Variants in KATNAL1 observed in about 807,000 individuals in gnomAD.
KATNAL1 encodes katanin catalytic subunit A1 like 1, also known as katanin p60 ATPase-containing subunit A-like 1.
KATNAL1 carries 32 observed loss-of-function variants against 55.2 expected under a neutral mutation model. That is an observed-to-expected ratio of 0.58 (90% CI 0.44 to 0.78). KATNAL1 has a LOEUF of 0.78. Ranked by LOEUF, KATNAL1 falls within the 30% of genes least tolerant of loss-of-function variation. The probability of loss-of-function intolerance (pLI) is 0.00; values close to 1 mark genes in which losing one functional copy is unlikely to be tolerated. For synonymous variants in KATNAL1, 193 were observed against 193.6 expected (o/e 1.00, Z 0.02); for missense variants, 466 against 600.9 (o/e 0.78, Z 2.35).
chr13:30,284,007 T>A (rs1881606053), intron 1 of KATNAL1, among the ~76,000 whole-genome samples: 1 of 151,564 alleles, frequency 6.6e-6, no homozygotes, highest in Non-Finnish European at 1.5e-5. Context: ...ACTATAGGGG[T>A]GCACCACCAT....
chr13:30,272,428 G>A (rs191551783), intron 3 of KATNAL1, among the ~76,000 whole-genome samples: 6 of 152,140 alleles, frequency 3.9e-5, no homozygotes, highest in Admixed American at 6.6e-5. Flanking sequence ...GAAAAAAGGG[G>A]CAGTGAAGGG....
Position 30,286,186 on chromosome 13 carries a change from A to T in KATNAL1, c.-14-2395T>A, listed in dbSNP as rs564314401. 1.4e-3 allele frequency among the ~76,000 whole-genome samples: 214 copies of T among 152,376 alleles called. 1 individual carries two copies. Among genetic ancestry groups the T allele is most frequent in the African/African-American group, 3.8e-3 (160 of 41,598 alleles). Reference sequence around the variant, plus strand: ...ATTCAAGCCAGCTGCAGAAATTTGCATAAGTAACAAGGAATCAAAAGCTAA... The same window carrying T: ...ATTCAAGCCAGCTGCAGAAATTTGCTTAAGTAACAAGGAATCAAAAGCTAA... On this transcript the variant is annotated intron_variant, in intron 1 of 10. Coordinates refer to ENST00000380615, the MANE Select transcript of KATNAL1 (RefSeq NM_032116.5).
At chr13:30,265,506 A>C (rs1879690853) in intron 3 of KATNAL1, among the ~76,000 whole-genome samples, 1 of 152,092 alleles carries the variant, frequency 6.6e-6, no homozygotes, top group Non-Finnish European at 1.5e-5. Flanking sequence ...ATACAAGTTG[A>C]TATGAGTTGT....
intron 9 of KATNAL1, among the ~76,000 whole-genome samples, chr13:30,225,801 TA>T (rs1875410847): frequency 6.6e-6 from 1 of 151,676 alleles, no homozygotes; most frequent in African/African-American, 2.4e-5. Context: ...TACTATTCAT[TA>T]AAAAAAATTG....
intron 1 of KATNAL1, among the ~76,000 whole-genome samples, chr13:30,285,220 A>G (rs1881693802): frequency 6.6e-6 from 1 of 152,218 alleles, no homozygotes; most frequent in Non-Finnish European, 1.5e-5. Flanking sequence ...GGTTCCATGA[A>G]GGCAGAGTTG....
At chr13:30,213,151 G>A (rs1873859343) in intron 9 of KATNAL1, among the ~76,000 whole-genome samples, 2 of 152,044 alleles carry the variant, frequency 1.3e-5, no homozygotes, top group South Asian at 2.1e-4. Context: ...ACACCTCTAC[G>A]CAAATAAACT....
At chr13:30,255,707 TA>T (rs1878725484) in intron 3 of KATNAL1, 92 bp from the exon 4 acceptor site, 4 of 1,178,652 alleles carry the variant, frequency 3.4e-6, no homozygotes, top group Non-Finnish European at 4.3e-6. Flanking sequence ...ATAAAATTGT[TA>T]AATCAAAAAG....
intron 8 of KATNAL1, among the ~76,000 whole-genome samples, chr13:30,229,746 A>C (rs919324259): frequency 6.6e-6 from 1 of 152,114 alleles, no homozygotes; most frequent in Non-Finnish European, 1.5e-5. Flanking sequence ...TGAGAACCCC[A>C]AAGAGCTTTT....
At position 30,207,663 on chromosome 13, in the gene KATNAL1, A is replaced by G. The variant is rs536811774; in HGVS notation, c.*877T>C. The G allele has an allele frequency of 2.0e-5, 3 of 152,412 alleles. No individual in the cohort carries two copies. In the South Asian group the frequency reaches 6.2e-4, roughly 32 times the overall value. The allele number at this position is 152,412 out of a possible 1,614,324, so 9.4% of individuals were successfully genotyped here. ...GCACCTGTAATCCCAGCTACTTGGGAGGCTGAGACAGGAGAATTGCTTGAA... is the reference window on the plus strand; with the variant it reads ...GCACCTGTAATCCCAGCTACTTGGGGGGCTGAGACAGGAGAATTGCTTGAA... On this transcript the variant is annotated 3_prime_UTR_variant, in exon 11 of 11. Coordinates refer to ENST00000380615, the MANE Select transcript of KATNAL1 (RefSeq NM_032116.5).
intron 9 of KATNAL1, among the ~76,000 whole-genome samples, chr13:30,213,592 A>T (rs1256325482): frequency 6.6e-6 from 1 of 152,238 alleles, no homozygotes; most frequent in African/African-American, 2.4e-5. Context: ...AATGGGCTTC[A>T]ACCCTGGGAT....
Position 30,283,418 on chromosome 13 carries a change from G to A in KATNAL1, c.162+198C>T, listed in dbSNP as rs149184540. Among the ~76,000 whole-genome samples, 88 of 151,864 alleles carry A rather than the reference G, an allele frequency of 5.8e-4. 2 individuals carry two copies. The highest frequency in any genetic ancestry group is 3.4e-3 in the Middle Eastern group (1 of 294). On this transcript the variant is annotated intron_variant, in intron 2 of 10. Coordinates refer to ENST00000380615, the MANE Select transcript of KATNAL1 (RefSeq NM_032116.5). ...TAAATATTTTCAAAACATCCCTCAC[G>A]AAATATATGATCAAAAAACATTAAC...
intron 4 of KATNAL1, among the ~76,000 whole-genome samples, chr13:30,252,958 G>C (rs1878461507): frequency 6.6e-6 from 1 of 152,144 alleles, no homozygotes; most frequent in African/African-American, 2.4e-5. Flanking sequence ...TGTTGCCCAG[G>C]CTGGTCTTGA....
At chr13:30,243,608 C>CAAAAAAAAAAAAAAA (rs139687662) in intron 4 of KATNAL1, among the ~76,000 whole-genome samples, 7 of 86,462 alleles carry the variant, frequency 8.1e-5, no homozygotes, top group Admixed American at 2.1e-4. Flanking sequence ...GGTATTAAGC[C>CAAAAAAAAAAAAAAA]AAAAAAAAAA....
chr13:30,206,998 C>A lies in KATNAL1; in HGVS notation c.*1542G>T, dbSNP rs1465512491. 1.3e-5 allele frequency: 2 copies of A among 152,042 alleles called. No homozygotes were observed. Among genetic ancestry groups the A allele is most frequent in the Non-Finnish European group, 2.9e-5 (2 of 68,004 alleles). The allele number at this position is 152,042 out of a possible 1,614,324, so 9.4% of individuals were successfully genotyped here. ...TCAGACTTAAGTTATCTGAAAAGAA[C>A]ATAAGGCATTTACAGTTTTTAGCAG... is the stretch of plus-strand genomic sequence containing the variant. On this transcript the variant is annotated 3_prime_UTR_variant, in exon 11 of 11. Coordinates refer to ENST00000380615, the MANE Select transcript of KATNAL1 (RefSeq NM_032116.5).
chr13:30,287,912 A>C (rs1024791613), intron 1 of KATNAL1, among the ~76,000 whole-genome samples: 1 of 152,204 alleles, frequency 6.6e-6, no homozygotes, highest in Non-Finnish European at 1.5e-5. Context: ...AAAATGAAGG[A>C]TATTATATAA....
intron 9 of KATNAL1, among the ~76,000 whole-genome samples, chr13:30,213,762 T>A (rs963252626): frequency 6.6e-6 from 1 of 152,204 alleles, no homozygotes; most frequent in Admixed American, 6.5e-5. Context: ...TAGGTATTGA[T>A]GGGACGTATC....
chr13:30,294,440 T>A (rs1413950285), intron 1 of KATNAL1, among the ~76,000 whole-genome samples: 1 of 152,180 alleles, frequency 6.6e-6, no homozygotes, highest in Non-Finnish European at 1.5e-5. Context: ...CAAAGCCTAA[T>A]CCAGAACAAG....
chr13:30,288,746 T>G (rs1189703053), intron 1 of KATNAL1, among the ~76,000 whole-genome samples: 1 of 152,216 alleles, frequency 6.6e-6, no homozygotes, highest in South Asian at 2.1e-4. Flanking sequence ...AATTCAAAAG[T>G]TTGCAATAAA....
At chr13:30,295,722 T>C in intron 1 of KATNAL1, among the ~76,000 whole-genome samples, 1 of 152,176 alleles carries the variant, frequency 6.6e-6, no homozygotes, top group South Asian at 2.1e-4. Flanking sequence ...GAAATAACAA[T>C]AAAGGATTTA....
Sources: gnomAD v4.1 joint callset for allele counts (sites outside exome capture counted in the v4.1 genomes callset) on GRCh38, gnomAD v4.1.1 for gene constraint, MANE v1.5 for transcripts, NCBI Gene and HGNC (gene_info 2026-07-23, HGNC 2026-07-21) for gene names.